MED13L: variants seen among roughly 807,000 people sequenced by gnomAD.
The protein encoded by MED13L is mediator of RNA polymerase II transcription subunit 13-like.
In MED13L, 7 loss-of-function variants were observed where a neutral mutation model predicts 220.9. The observed-to-expected ratio is 0.03, with a 90% CI of 0.02 to 0.06. The LOEUF (loss-of-function observed/expected upper bound fraction) is 0.06. MED13L is among the 10% of genes least tolerant of loss of function. The probability of loss-of-function intolerance (pLI) is 1.00; values close to 1 mark genes in which losing one functional copy is unlikely to be tolerated. For synonymous variants in MED13L, 1,011 were observed against 1,015.2 expected, an observed-to-expected ratio of 1.00 and a Z score of 0.08; for missense variants, 1,965 against 2,760.5, an observed-to-expected ratio of 0.71 and a Z score of 6.46.
intron 2 of MED13L, among the ~76,000 whole-genome samples, chr12:116,190,634 T>C (rs1422673971): frequency 6.6e-6 from 1 of 152,250 alleles, no homozygotes; most frequent in Non-Finnish European, 1.5e-5. Context: ...TAATCAAAAC[T>C]AAGTACTCCT....
intron 16 of MED13L, among the ~76,000 whole-genome samples, chr12:115,993,715 G>A (rs1878221063): frequency 6.6e-6 from 1 of 152,138 alleles, no homozygotes; most frequent in African/African-American, 2.4e-5. Context: ...ATCAGAAAAG[G>A]AACTATGAGT....
At position 116,113,837 on chromosome 12, in the gene MED13L, G is replaced by C. The variant is rs562983340; in HGVS notation, c.311-2325C>G. Among the ~76,000 whole-genome samples the C allele has an allele frequency of 4.8e-3, 281 of 58,746 alleles. 1 individual carries two copies. Among genetic ancestry groups the C allele is most frequent in the Non-Finnish European group, 7.0e-3 (216 of 30,812 alleles). The allele number at this position is 58,746 out of a possible 152,430, so 38.5% of individuals were successfully genotyped here. A position where few individuals can be genotyped will look rare whatever the true frequency, so the allele number is the denominator to read the frequency against. On this transcript the variant is annotated intron_variant, in intron 2 of 30. Transcript: ENST00000281928. ...GGGGGAAGAGGGAGAGGGGAGGGAG[G>C]GGGGAAGAGAGAGAGGAGAGGGGGA...
chr12:116,256,132 C>T (rs1014027844), intron 1 of MED13L, among the ~76,000 whole-genome samples: 1 of 152,086 alleles, frequency 6.6e-6, no homozygotes, highest in African/African-American at 2.4e-5. Context: ...TTAAATGATA[C>T]AAACATTTTA....
At chr12:116,241,649 T>C (rs1387589989) in intron 1 of MED13L, among the ~76,000 whole-genome samples, 1 of 152,192 alleles carries the variant, frequency 6.6e-6, no homozygotes, top group African/African-American at 2.4e-5. Flanking sequence ...TAATCTGTTT[T>C]TTACAAAGTT....
At chr12:116,229,905 G>T (rs1057285474) in intron 2 of MED13L, among the ~76,000 whole-genome samples, 3 of 150,332 alleles carry the variant, frequency 2.0e-5, no homozygotes, top group Non-Finnish European at 4.4e-5. Context: ...CAGAAAAACA[G>T]AACAGTAATG....
intron 1 of MED13L, among the ~76,000 whole-genome samples, chr12:116,239,532 C>G (rs57703342): frequency 0.17 from 25,910 of 152,118 alleles, 2,445 homozygotes; most frequent in Middle Eastern, 0.28. Context: ...CACTTTTAAT[C>G]TTTGCATAAT....
intron 17 of MED13L, among the ~76,000 whole-genome samples, chr12:115,989,766 T>A (rs150593353): frequency 1.3e-5 from 2 of 152,236 alleles, no homozygotes; most frequent in East Asian, 1.9e-4. Context: ...TCCCCAAAAC[T>A]CAACTCACTA....
intron 2 of MED13L, among the ~76,000 whole-genome samples, chr12:116,122,807 G>A (rs140991696): frequency 1.2e-4 from 19 of 152,154 alleles, no homozygotes; most frequent in African/African-American, 3.4e-4. Context: ...GTTGAGACAC[G>A]ACCCAAGTTA....
At chr12:116,008,262 AACATTTTCC>A in intron 10 of MED13L, 130 bp downstream of exon 10, 1 of 1,219,878 alleles carries the variant, frequency 8.2e-7, no homozygotes, top group Non-Finnish European at 1.1e-6. Flanking sequence ...TTGACCATTA[AACATTTTCC>A]ATATCCGGAG....
intron 2 of MED13L, among the ~76,000 whole-genome samples, chr12:116,150,404 T>C (rs983012361): frequency 3.9e-5 from 6 of 152,240 alleles, no homozygotes; most frequent in Admixed American, 2.6e-4. Flanking sequence ...TCATTTCTAC[T>C]CTTCTTGTTA....
Position 116,015,286 on chromosome 12 carries a change from G to A in MED13L, c.1010-12C>T, listed in dbSNP as rs1224014336. The A allele has an allele frequency of 5.6e-6, 9 of 1,613,294 alleles. No individual in the cohort carries two copies. The Admixed American group carries it at 6.7e-5, about 12-fold the overall frequency. The stretch of plus-strand genomic sequence containing the variant: ...ACCTCCACTCTCACCTGAAAAAAAA[G>A]GCAATTTGGAATGTTAGGATTTTCT... On this transcript the variant is annotated splice_polypyrimidine_tract_variant and intron_variant, in intron 7 of 30. Transcript: ENST00000281928.
intron 16 of MED13L, among the ~76,000 whole-genome samples, chr12:115,995,758 T>C (rs1228983809): frequency 6.6e-6 from 1 of 152,108 alleles, no homozygotes; most frequent in Non-Finnish European, 1.5e-5. Flanking sequence ...ACACTTACAT[T>C]GGCCTACCAT....
At chr12:116,076,679 A>C (rs952682709) in intron 4 of MED13L, among the ~76,000 whole-genome samples, 2 of 152,220 alleles carry the variant, frequency 1.3e-5, no homozygotes, top group Non-Finnish European at 2.9e-5. Context: ...TATTGTGACA[A>C]GTCTGAACTA....
At position 115,997,068 on chromosome 12, in the gene MED13L, G is replaced by T. The variant is rs1276946107; in HGVS notation, c.2732C>A (p.Thr911Lys). The T allele has an allele frequency of 1.2e-6, 2 of 1,614,062 alleles. No individual in the cohort carries two copies. The highest frequency in any genetic ancestry group is 2.2e-5 in the South Asian group (2 of 91,084). ...ATCTTCCACTTCCATTTTGAATTCTGTGAGTTGTGTTGAAACCATACTGAC... is the reference window on the plus strand; with the variant it reads ...ATCTTCCACTTCCATTTTGAATTCTTTGAGTTGTGTTGAAACCATACTGAC... Reference protein sequence around the residue: ...PMVSMVSTQLTEFKMEVEDGL... With the variant: ...PMVSMVSTQLKEFKMEVEDGL... Residue 911 changes from threonine to lysine, a missense_variant, in exon 15 of 31, where the codon ACA becomes AAA. Thr to Lys is a moderately conservative substitution (Grantham distance 78). Transcript: ENST00000281928.
rs568461224 is a variant in MED13L, at chr12:115,987,105, C to G, written c.4114+4G>C. ...AGGAATTTTAAACAGGACAAAGACC[C>G]TACCGTAGGTTCCCCGTCCTGCCAT... On this transcript the variant is annotated splice_donor_region_variant and intron_variant, in intron 18 of 30. Transcript: ENST00000281928. 4 of 1,614,056 alleles carry G rather than the reference C, an allele frequency of 2.5e-6. No homozygotes were observed. The highest frequency in any genetic ancestry group is 2.2e-5 in the East Asian group (1 of 44,888).
chr12:116,096,317 T>C (rs1207569851), intron 4 of MED13L, among the ~76,000 whole-genome samples: 1 of 118,716 alleles, frequency 8.4e-6, no homozygotes, highest in East Asian at 2.8e-4. Context: ...ATGGCACCAC[T>C]GTACTCCAGC....
chr12:116,163,965 G>A (rs1193016373), intron 2 of MED13L, among the ~76,000 whole-genome samples: 1 of 152,118 alleles, frequency 6.6e-6, no homozygotes, highest in Non-Finnish European at 1.5e-5. Flanking sequence ...GACAAAAGAA[G>A]TAAAACTGAA....
intron 1 of MED13L, among the ~76,000 whole-genome samples, chr12:116,273,583 T>C (rs1191707126): frequency 1.3e-5 from 2 of 151,908 alleles, no homozygotes; most frequent in South Asian, 2.1e-4. Context: ...AGGTCAACAA[T>C]AGATTACCTT....
intron 3 of MED13L, among the ~76,000 whole-genome samples, chr12:116,104,955 T>C (rs1193551264): frequency 6.6e-6 from 1 of 152,190 alleles, no homozygotes; most frequent in Non-Finnish European, 1.5e-5. Context: ...GTTTTTGAAC[T>C]GCACATATTT....
Sources: allele counts gnomAD v4.1 joint callset (sites outside exome capture counted in the v4.1 genomes callset), GRCh38; gene constraint gnomAD v4.1.1; transcripts MANE v1.5; gene names NCBI Gene and HGNC (gene_info 2026-07-23, HGNC 2026-07-21).